The following SPHKAP variants were observed in gnomAD, a reference collection of about 807,000 sequenced individuals.
The protein encoded by SPHKAP is SPHK1 interactor, AKAP domain containing.
SPHKAP carries 67 observed loss-of-function variants against 137.5 expected under a neutral mutation model. That is an observed-to-expected ratio of 0.49 (90% confidence interval 0.40 to 0.60). The LOEUF (loss-of-function observed/expected upper bound fraction) is 0.60. SPHKAP is among the 20% of genes least tolerant of loss of function. The probability of loss-of-function intolerance (pLI) is 0.00; values close to 1 mark genes in which losing one functional copy is unlikely to be tolerated. For synonymous variants in SPHKAP, 813 were observed against 785.3 expected (o/e 1.04, Z -0.59); for missense variants, 2,097 against 2,069.3 (o/e 1.01, Z -0.26).
intron 3 of SPHKAP, among the ~76,000 whole-genome samples, chr2:228,035,349 G>GA (rs1327270821): frequency 6.6e-6 from 1 of 151,938 alleles, no homozygotes; most frequent in Non-Finnish European, 1.5e-5. Context: ...TCTTCAAGGA[G>GA]AACTACAAAC....
chr2:228,159,431 G>A (rs1293537057), intron 1 of SPHKAP, among the ~76,000 whole-genome samples: 1 of 152,040 alleles, frequency 6.6e-6, no homozygotes, highest in Non-Finnish European at 1.5e-5. Flanking sequence ...TTGCAAAACT[G>A]CAACTGGAAA....
In SPHKAP at chr2:228,018,634, C is replaced by T; in HGVS notation, c.2220G>A (p.Glu740=). ...LGECPAVLSK[E]TIRRRETEPS... ...GTTCTGTCTCCCTCCTTCTGATGGT[C>T]TCCTTAGAAAGGACAGCAGGACATT... The change falls in exon 7 of 12, where the codon GAG becomes GAA. Residue 740 remains glutamate, a synonymous_variant. Transcript: ENST00000392056. The T allele has an allele frequency of 1.2e-6, 2 of 1,614,090 alleles. No homozygotes were observed. Among genetic ancestry groups the T allele is most frequent in the South Asian group, 2.2e-5 (2 of 90,996 alleles).
intron 5 of SPHKAP, among the ~76,000 whole-genome samples, chr2:228,023,496 A>G (rs977936906): frequency 1.3e-5 from 2 of 152,214 alleles, no homozygotes; most frequent in African/African-American, 4.8e-5. Flanking sequence ...TTGAATTCAC[A>G]AAGTATCTGT....
At chr2:228,042,457 T>C (rs565170704) in intron 3 of SPHKAP, among the ~76,000 whole-genome samples, 147 of 152,304 alleles carry the variant, frequency 9.7e-4, no homozygotes, top group Non-Finnish European at 3.1e-4. Flanking sequence ...TTTAGTATAG[T>C]CATCATTTCT....
Position 227,981,604 on chromosome 2 carries a change from T to A in SPHKAP, c.*113A>T, listed in dbSNP as rs139998352. 1.4e-4 allele frequency: 190 copies of A among 1,368,522 alleles called. No individual in the cohort carries two copies. The African/African-American group carries it at 2.4e-3, about 17-fold the overall frequency. 84.8% of individuals were successfully genotyped at this position (1,368,522 alleles called of 1,614,324 possible). On this transcript the variant is annotated 3_prime_UTR_variant, in exon 12 of 12. Coordinates refer to ENST00000392056, the MANE Select transcript of SPHKAP (RefSeq NM_001142644.2). ...GATCTGAGTAGCAGATTTTTTTTTA[T>A]AGTTCTGCTAATGTGATGTGATGTT...
At chr2:228,097,366 T>C (rs1698018743) in intron 3 of SPHKAP, among the ~76,000 whole-genome samples, 3 of 152,208 alleles carry the variant, frequency 2.0e-5, no homozygotes, top group Admixed American at 2.0e-4. Flanking sequence ...GCGGCAAAAA[T>C]GTCCAGATAC....
chr2:228,121,780 C>A (rs1698912667), intron 2 of SPHKAP, among the ~76,000 whole-genome samples: 2 of 152,150 alleles, frequency 1.3e-5, no homozygotes, highest in Admixed American at 6.5e-5. Context: ...TGTAAGGGAT[C>A]ATGAGCCAGA....
In SPHKAP at chr2:228,123,552, T is replaced by C. The variant is rs144760639; in HGVS notation, c.138+8428A>G. ...CAGCTTCTACAAATACAGAATATTA[T>C]ATCTATTTTCCATCATGTGAATATC... On this transcript the variant is annotated intron_variant, in intron 2 of 11. Transcript: ENST00000392056. Among the ~76,000 whole-genome samples, 1,328 of 152,332 alleles carry C rather than the reference T, an allele frequency of 8.7e-3. 9 individuals carry two copies. The highest frequency in any genetic ancestry group is 0.03 in the African/African-American group (1,266 of 41,584).
chr2:228,000,742 A>C lies in SPHKAP; in HGVS notation c.4449-5048T>G, dbSNP rs571677088. On this transcript the variant is annotated intron_variant, in intron 7 of 11. Coordinates refer to ENST00000392056, the MANE Select transcript of SPHKAP (RefSeq NM_001142644.2). ...TGACAGTTCTTTTTTGTTAGTGCTGAATAAAATTCTATTGTTTGGATGTAC... is the reference window on the plus strand; with the variant it reads ...TGACAGTTCTTTTTTGTTAGTGCTGCATAAAATTCTATTGTTTGGATGTAC... Among the ~76,000 whole-genome samples, 5 of 152,292 alleles carry C rather than the reference A, an allele frequency of 3.3e-5. No individual in the cohort carries two copies. The East Asian group carries it at 7.7e-4, about 24-fold the overall frequency.
intron 11 of SPHKAP, among the ~76,000 whole-genome samples, chr2:227,990,102 A>G (rs1693361724): frequency 6.6e-6 from 1 of 152,206 alleles, no homozygotes. Context: ...AACCACATGG[A>G]ACTGAATTAG....
chr2:228,128,463 A>G (rs1042954366), intron 2 of SPHKAP, among the ~76,000 whole-genome samples: 7 of 152,074 alleles, frequency 4.6e-5, no homozygotes, highest in Non-Finnish European at 1.0e-4. Context: ...TGAACCCTTC[A>G]GTCATTCATG....
intron 1 of SPHKAP, among the ~76,000 whole-genome samples, chr2:228,146,794 C>T (rs1699789768): frequency 6.6e-6 from 1 of 152,196 alleles, no homozygotes; most frequent in South Asian, 2.1e-4. Flanking sequence ...TTTCTTTAAC[C>T]AATCTGTCAT....
chr2:228,162,512 T>C (rs141472133), intron 1 of SPHKAP, among the ~76,000 whole-genome samples: 30 of 152,334 alleles, frequency 2.0e-4, no homozygotes, highest in African/African-American at 7.2e-4. Flanking sequence ...TTCATGCAGC[T>C]ATTCAAAAGT....
intron 3 of SPHKAP, among the ~76,000 whole-genome samples, chr2:228,043,499 G>T (rs1695925556): frequency 6.6e-6 from 1 of 152,052 alleles, no homozygotes; most frequent in African/African-American, 2.4e-5. Flanking sequence ...GCTAATTTTT[G>T]TATTTTTAGT....
chr2:228,175,768 CTATCTA>C (rs1281662322), intron 1 of SPHKAP, among the ~76,000 whole-genome samples: 1 of 151,752 alleles, frequency 6.6e-6, no homozygotes, highest in Non-Finnish European at 1.5e-5. Context: ...ATACAATACC[CTATCTA>C]TAAGAAACAA....
intron 3 of SPHKAP, among the ~76,000 whole-genome samples, chr2:228,062,993 A>G (rs1046652616): frequency 6.6e-6 from 1 of 152,192 alleles, no homozygotes; most frequent in Non-Finnish European, 1.5e-5. Flanking sequence ...AGTACAGAAG[A>G]AATTATGTGT....
chr2:228,062,933 T>C (rs1310423222), intron 3 of SPHKAP, among the ~76,000 whole-genome samples: 2 of 152,176 alleles, frequency 1.3e-5, no homozygotes, highest in Non-Finnish European at 2.9e-5. Flanking sequence ...AGAAAATAAC[T>C]TGGTTGGTCA....
intron 1 of SPHKAP, among the ~76,000 whole-genome samples, chr2:228,159,997 A>T (rs1700227975): frequency 6.6e-6 from 1 of 152,252 alleles, no homozygotes; most frequent in Non-Finnish European, 1.5e-5. Context: ...AGGGAACCTG[A>T]CATTCCCTAT....
intron 3 of SPHKAP, among the ~76,000 whole-genome samples, chr2:228,095,366 C>T (rs1447242257): frequency 6.6e-6 from 1 of 152,048 alleles, no homozygotes; most frequent in Non-Finnish European, 1.5e-5. Flanking sequence ...GGAAACATCA[C>T]ATTAAAGTGC....
Sources: gnomAD v4.1 joint callset for allele counts (sites outside exome capture counted in the v4.1 genomes callset) on GRCh38, gnomAD v4.1.1 for gene constraint, MANE v1.5 for transcripts, NCBI Gene and HGNC (gene_info 2026-07-23, HGNC 2026-07-21) for gene names.